Variants in AIMP1 observed in about 807,000 individuals in gnomAD.
The protein encoded by AIMP1 is aminoacyl tRNA synthetase complex interacting multifunctional protein 1, also known as aminoacyl tRNA synthase complex-interacting multifunctional protein 1.
In AIMP1, 24 loss-of-function variants were observed where a neutral mutation model predicts 33.1. The observed-to-expected ratio is 0.73, with a 90% CI of 0.53 to 1.02. The LOEUF (loss-of-function observed/expected upper bound fraction) is 1.02. Among genes scored for constraint, AIMP1 ranks in the 50% least tolerant of loss-of-function variants. AIMP1 has a pLI of 0.00. For missense variants in AIMP1, 367 were observed against 364.8 expected (o/e 1.01, Z -0.05); for synonymous variants, 120 against 121.5 (o/e 0.99, Z 0.08).
At position 106,331,846 on chromosome 4, in the gene AIMP1, T is replaced by C. The variant is rs113532028; in HGVS notation, c.566T>C (p.Val189Ala). ...GTCGGAGAAATAGCCCCAAGGACAG[T>C]TGTCAGTGGCCTGGTGAATCATGTT... is the stretch of plus-strand genomic sequence containing the variant. ...VDVGEIAPRT[V>A]VSGLVNHVPL... The change falls in exon 5 of 7, where the codon GTT becomes GCT. Residue 189 changes from valine to alanine, a missense_variant. Physicochemically the swap from Val to Ala is moderately conservative, Grantham distance 64. Coordinates refer to ENST00000672341, the MANE Select transcript of AIMP1 (RefSeq NM_001142416.2). 6.2e-7 allele frequency: 1 copy of C among 1,614,104 alleles called. No individual in the cohort carries two copies. Among genetic ancestry groups the C allele is most frequent in the Non-Finnish European group, 8.5e-7 (1 of 1,179,978 alleles).
chr4:106,318,945 T>C (rs1371962884), intron 1 of AIMP1, among the ~76,000 whole-genome samples: 1 of 151,884 alleles, frequency 6.6e-6, no homozygotes, highest in African/African-American at 2.4e-5. Flanking sequence ...TTCAATAGTG[T>C]TTTTTTTCAT....
chr4:106,319,876 T>C (rs948424714), intron 1 of AIMP1, among the ~76,000 whole-genome samples: 4 of 152,186 alleles, frequency 2.6e-5, no homozygotes, highest in Non-Finnish European at 5.9e-5. Flanking sequence ...TTATATCCTT[T>C]AGAGAAATTA....
chr4:106,330,287 C>T (rs1444183480), intron 4 of AIMP1, among the ~76,000 whole-genome samples: 1 of 152,084 alleles, frequency 6.6e-6, no homozygotes, highest in East Asian at 1.9e-4. Flanking sequence ...TATTGTTATA[C>T]TACAGTATTT....
At chr4:106,316,353 G>A (rs537275687), upstream of AIMP1, 37 of 596,520 alleles carry the variant, frequency 6.2e-5, no homozygotes, top group East Asian at 1.1e-3. Context: ...AGGTGCGGGG[G>A]GACGGGGGGG....
intron 6 of AIMP1, among the ~76,000 whole-genome samples, chr4:106,345,117 T>C (rs1770247668): frequency 6.6e-6 from 1 of 152,202 alleles, no homozygotes. Context: ...TTATCTAGTT[T>C]ATATGGCACT....
At chr4:106,334,790 A>C (rs772497858) in intron 5 of AIMP1, among the ~76,000 whole-genome samples, 4 of 152,166 alleles carry the variant, frequency 2.6e-5, no homozygotes, top group Non-Finnish European at 5.9e-5. Context: ...ATTTGAGTAA[A>C]GGTCTAAGAA....
chr4:106,335,623 CT>C (rs1224784008), intron 5 of AIMP1, among the ~76,000 whole-genome samples: 1 of 152,116 alleles, frequency 6.6e-6, no homozygotes, highest in Non-Finnish European at 1.5e-5. Flanking sequence ...TTTGCTGTAA[CT>C]TTTAAGTTCT....
rs562353438 is a variant in AIMP1, at chr4:106,337,691, G to A, written c.772+654G>A. ...ATCCGAAAGTGTGGAAGCGACTTTG[G>A]AACTGGGTAACAGGCAGAGATTGGA... is the stretch of plus-strand genomic sequence containing the variant. On this transcript the variant is annotated intron_variant, in intron 6 of 6. Coordinates refer to ENST00000672341, the MANE Select transcript of AIMP1 (RefSeq NM_001142416.2). Among the ~76,000 whole-genome samples the A allele has an allele frequency of 5.0e-4, 76 of 152,322 alleles. No individual in the cohort carries two copies. The Middle Eastern group carries it at 0.01, about 20-fold the overall frequency.
At chr4:106,326,679 G>A (rs972953094) in intron 2 of AIMP1, among the ~76,000 whole-genome samples, 2 of 152,018 alleles carry the variant, frequency 1.3e-5, no homozygotes, top group Non-Finnish European at 2.9e-5. Context: ...GTTTTTGCTT[G>A]TGTGGTAACA....
rs763715597 is a variant in AIMP1 at position 106,316,553 on chromosome 4, T to G, written c.-67T>G. 26 of 1,551,462 alleles carry G rather than the reference T, an allele frequency of 1.7e-5. No individual in the cohort carries two copies. The highest frequency in any genetic ancestry group is 5.9e-5 in the Admixed American group (3 of 50,976). ...ACGCGGGTGGCTGGACCTACATGCT[T>G]CCTGCTGTGGCTGTCTCGGAACCCG... On this transcript the variant is annotated 5_prime_UTR_variant, in exon 1 of 7. Coordinates refer to ENST00000672341, the MANE Select transcript of AIMP1 (RefSeq NM_001142416.2).
At chr4:106,316,163 C>T, upstream of AIMP1, 1 of 168,762 alleles carries the variant, frequency 5.9e-6, no homozygotes, top group Non-Finnish European at 1.3e-5. Context: ...CGGCGAGGAG[C>T]GCAAGCCTGG....
intron 1 of AIMP1, among the ~76,000 whole-genome samples, chr4:106,324,407 T>C (rs560170893): frequency 3.5e-4 from 53 of 152,162 alleles, no homozygotes; most frequent in South Asian, 8.3e-4. Context: ...TCTCTGAATT[T>C]ATTATAAAAC....
intron 5 of AIMP1, among the ~76,000 whole-genome samples, chr4:106,334,961 C>G (rs951045667): frequency 6.6e-6 from 1 of 151,974 alleles, no homozygotes; most frequent in Non-Finnish European, 1.5e-5. Flanking sequence ...GATAAGGGTG[C>G]CAAATGTCTT....
At chr4:106,344,501 A>G (rs568739846) in intron 6 of AIMP1, among the ~76,000 whole-genome samples, 26 of 152,224 alleles carry the variant, frequency 1.7e-4, no homozygotes, top group Non-Finnish European at 3.1e-4. Context: ...TAACTCCACC[A>G]CTAGCACCCT....
At chr4:106,316,514 CT>C, upstream of AIMP1, 3 of 1,551,118 alleles carry the variant, frequency 1.9e-6, no homozygotes, top group Non-Finnish European at 2.6e-6. Flanking sequence ...TGGGTCCTTT[CT>C]CACTGCTATA....
At chr4:106,345,526 A>G (rs915216844) in intron 6 of AIMP1, among the ~76,000 whole-genome samples, 11 of 152,124 alleles carry the variant, frequency 7.2e-5, no homozygotes, top group African/African-American at 2.4e-5. Flanking sequence ...TTTCCATTCT[A>G]TTTATTAGTT....
rs149144042 is a variant in AIMP1 at position 106,331,771 on chromosome 4, C to T, written c.491C>T (p.Thr164Ile). Residue 164 changes from threonine to isoleucine, a missense_variant, in exon 5 of 7, where the codon ACT (threonine) becomes ATT (isoleucine). Thr to Ile is a moderately conservative substitution (Grantham distance 89). Transcript: ENST00000672341. ...RLDLRIGCII[T>I]ARKHPDADSL... ...GATCTTCGAATTGGTTGCATCATAA[C>T]TGCTAGAAAACACCCTGATGCAGAT... is the stretch of plus-strand genomic sequence containing the variant. The T allele has an allele frequency of 3.8e-5, 62 of 1,613,976 alleles. No individual in the cohort carries two copies. The highest frequency in any genetic ancestry group is 1.6e-4 in the Middle Eastern group (1 of 6,084).
chr4:106,316,830 A>G, intron 1 of AIMP1: 1 of 497,786 alleles, frequency 2.0e-6, no homozygotes, highest in Non-Finnish European at 3.6e-6. Context: ...CTACAGAAAA[A>G]TATCGATCCC....
upstream of AIMP1, chr4:106,316,185 C>T (rs1768836047): frequency 5.3e-6 from 1 of 187,964 alleles, no homozygotes; most frequent in Non-Finnish European, 1.1e-5. Flanking sequence ...CTTCCCCAAA[C>T]ACAGATCCGA....
Sources: gnomAD v4.1 joint callset for allele counts (sites outside exome capture counted in the v4.1 genomes callset) on GRCh38, gnomAD v4.1.1 for gene constraint, MANE v1.5 for transcripts, NCBI Gene and HGNC (gene_info 2026-07-23, HGNC 2026-07-21) for gene names.